Variants in ANKIB1 observed in about 807,000 individuals in gnomAD.
ANKIB1 encodes ankyrin repeat and IBR domain-containing protein 1.
A neutral mutation model predicts 122.1 loss-of-function variants in ANKIB1; 43 were observed. That is an observed-to-expected ratio of 0.35 (90% confidence interval 0.28 to 0.45). The LOEUF (loss-of-function observed/expected upper bound fraction) is 0.45. ANKIB1 is among the 20% of genes least tolerant of loss of function. ANKIB1 has a pLI of 1.00. For synonymous variants in ANKIB1, 390 were observed against 442.0 expected (o/e 0.88, Z 1.48); for missense variants, 992 against 1,329.5 (o/e 0.75, Z 3.95).
At chr7:92,391,615 T>TAAG (rs1804786072) in intron 16 of ANKIB1, among the ~76,000 whole-genome samples, 1 of 152,088 alleles carries the variant, frequency 6.6e-6, no homozygotes, top group Admixed American at 6.6e-5. Flanking sequence ...AACTCATAAA[T>TAAG]AAGAGTATTC....
intron 2 of ANKIB1, among the ~76,000 whole-genome samples, chr7:92,306,028 A>T (rs971072835): frequency 1.5e-5 from 1 of 65,792 alleles, no homozygotes. Flanking sequence ...CCCACCCACC[A>T]CCCCGCCCCA....
chr7:92,256,959 G>A (rs1036341103), intron 1 of ANKIB1, among the ~76,000 whole-genome samples: 11 of 152,154 alleles, frequency 7.2e-5, no homozygotes, highest in Admixed American at 3.3e-4. Context: ...AGAGGCCGAG[G>A]CATGTGGCTC....
chr7:92,300,628 A>G (rs1389017884), intron 2 of ANKIB1, among the ~76,000 whole-genome samples: 1 of 152,112 alleles, frequency 6.6e-6, no homozygotes, highest in Non-Finnish European at 1.5e-5. Flanking sequence ...GTTTTAATAT[A>G]TATATATACA....
rs190343912 is a variant in ANKIB1 at position 92,315,189 on chromosome 7, G to A, written c.487-4141G>A. On this transcript the variant is annotated intron_variant, in intron 3 of 19. Transcript: ENST00000265742. ...CATGATTTTGAGCCCAAGTGACTTC[G>A]AAGCCTGCTAACAATTAACAGACAT... Among the ~76,000 whole-genome samples the A allele has an allele frequency of 3.3e-5, 5 of 152,152 alleles. No individual in the cohort carries two copies. In the East Asian group the frequency reaches 7.7e-4, roughly 23 times the overall value.
chr7:92,397,917 G>T, intron 19 of ANKIB1, 58 bp downstream of exon 19: 1 of 1,545,898 alleles, frequency 6.5e-7, no homozygotes, highest in Non-Finnish European at 8.6e-7. Context: ...GCTGAGTGTG[G>T]TTTCCTGTTG....
intron 4 of ANKIB1, among the ~76,000 whole-genome samples, chr7:92,320,608 T>A (rs1192406429): frequency 6.6e-6 from 1 of 152,120 alleles, no homozygotes; most frequent in Non-Finnish European, 1.5e-5. Context: ...ATCCAAACAA[T>A]TGGGGAATCC....
At chr7:92,394,483 T>C (rs1585142588) in intron 17 of ANKIB1, among the ~76,000 whole-genome samples, 1 of 152,360 alleles carries the variant, frequency 6.6e-6, no homozygotes, top group East Asian at 1.9e-4. Context: ...TATACAAGTT[T>C]CTTTTGCAGT....
intron 1 of ANKIB1, among the ~76,000 whole-genome samples, chr7:92,279,780 G>C (rs1801980112): frequency 6.6e-6 from 1 of 152,208 alleles, no homozygotes; most frequent in Non-Finnish European, 1.5e-5. Context: ...CCAGACAGCT[G>C]TGTTCCATGT....
chr7:92,321,458 C>A (rs1444598572), intron 4 of ANKIB1, among the ~76,000 whole-genome samples: 1 of 152,178 alleles, frequency 6.6e-6, no homozygotes, highest in African/African-American at 2.4e-5. Context: ...TTGCCTTTCT[C>A]TCCTATTAGA....
At chr7:92,297,601 C>T (rs568460363) in intron 2 of ANKIB1, among the ~76,000 whole-genome samples, 28 of 152,108 alleles carry the variant, frequency 1.8e-4, no homozygotes, top group African/African-American at 6.3e-4. Flanking sequence ...TCCTTTTGCC[C>T]TAAACTTATT....
intron 1 of ANKIB1, among the ~76,000 whole-genome samples, chr7:92,268,448 G>A (rs771703592): frequency 2.0e-5 from 3 of 152,140 alleles, no homozygotes; most frequent in Non-Finnish European, 2.9e-5. Context: ...GTTATAAAAG[G>A]CATTATCTTC....
intron 1 of ANKIB1, among the ~76,000 whole-genome samples, chr7:92,257,965 C>T (rs1001118605): frequency 2.0e-5 from 3 of 152,092 alleles, no homozygotes; most frequent in African/African-American, 7.2e-5. Context: ...CATTTTCTTA[C>T]CTGTATGTTG....
Position 92,295,224 on chromosome 7 carries a change from A to G in ANKIB1, c.188+58A>G, listed in dbSNP as rs573207087. The G allele has an allele frequency of 7.2e-5, 90 of 1,247,300 alleles. No individual in the cohort carries two copies. The African/African-American group carries it at 1.2e-3, about 16-fold the overall frequency. The allele number at this position is 1,247,300 out of a possible 1,614,324, so 77.3% of individuals were successfully genotyped here. ...GTATTACCGTAAACTAATTGGTAAC[A>G]AAGTGGTGAAAAAAAAGGAACTATG... On this transcript the variant is annotated intron_variant, in intron 2 of 19. Coordinates refer to ENST00000265742, the MANE Select transcript of ANKIB1 (RefSeq NM_019004.2).
At chr7:92,385,604 C>G (rs1167931183) in intron 11 of ANKIB1, among the ~76,000 whole-genome samples, 1 of 152,098 alleles carries the variant, frequency 6.6e-6, no homozygotes, top group East Asian at 1.9e-4. Context: ...AGCTGGAAAC[C>G]ATTATTCTGA....
intron 12 of ANKIB1, 107 bp from the exon 13 acceptor site, chr7:92,387,691 A>T (rs1804689712): frequency 1.4e-6 from 1 of 712,070 alleles, no homozygotes; most frequent in African/African-American, 1.8e-5. Flanking sequence ...GCAAATCTGA[A>T]TGCACTACTA....
intron 1 of ANKIB1, among the ~76,000 whole-genome samples, chr7:92,288,204 C>T (rs1802176009): frequency 6.6e-6 from 1 of 152,004 alleles, no homozygotes; most frequent in South Asian, 2.1e-4. Context: ...TTTCTATATT[C>T]TAGATATGAA....
intron 1 of ANKIB1, among the ~76,000 whole-genome samples, chr7:92,284,506 A>C (rs1337939152): frequency 6.6e-6 from 1 of 152,186 alleles, no homozygotes; most frequent in Non-Finnish European, 1.5e-5. Flanking sequence ...CTAAATCTTT[A>C]TGGACTTAAA....
At chr7:92,310,382 T>C (rs1802667762) in intron 3 of ANKIB1, among the ~76,000 whole-genome samples, 1 of 152,140 alleles carries the variant, frequency 6.6e-6, no homozygotes, top group Admixed American at 6.5e-5. Flanking sequence ...TTTCAGCATA[T>C]TTTATTCAGA....
chr7:92,262,586 A>G (rs904583205), intron 1 of ANKIB1, among the ~76,000 whole-genome samples: 1 of 152,210 alleles, frequency 6.6e-6, no homozygotes, highest in African/African-American at 2.4e-5. Context: ...ATATAGCATG[A>G]TCTGGTTCTG....
Sources: gnomAD v4.1 joint callset for allele counts (sites outside exome capture counted in the v4.1 genomes callset) on GRCh38, gnomAD v4.1.1 for gene constraint, MANE v1.5 for transcripts, NCBI Gene and HGNC (gene_info 2026-07-23, HGNC 2026-07-21) for gene names.